The following SPATA21 variants were observed in gnomAD, a reference collection of about 807,000 sequenced individuals.
SPATA21 encodes spermatogenesis associated 21.
Under a neutral mutation model 54.8 loss-of-function variants are expected in SPATA21, and 47 were observed. The ratio of observed to expected loss-of-function variants is 0.86; its 90% CI spans 0.68 to 1.09. The LOEUF is 1.09. SPATA21 is among the 50% of genes least tolerant of loss of function. The pLI, the probability that SPATA21 is intolerant of heterozygous loss-of-function variation, is 0.00. For missense variants in SPATA21, 599 were observed against 596.4 expected, an observed-to-expected ratio of 1.00 and a Z score of -0.05; for synonymous variants, 245 against 235.3, an observed-to-expected ratio of 1.04 and a Z score of -0.38.
intron 7 of SPATA21, among the ~76,000 whole-genome samples, chr1:16,407,070 C>T (rs1425341642): frequency 6.6e-6 from 1 of 152,360 alleles, no homozygotes; most frequent in East Asian, 1.9e-4. Flanking sequence ...ACAGGGCACC[C>T]TCTTGGAAGT....
At chr1:16,433,860 C>T (rs2086520256) in intron 1 of SPATA21, among the ~76,000 whole-genome samples, 1 of 152,194 alleles carries the variant, frequency 6.6e-6, no homozygotes, top group Admixed American at 6.5e-5. Flanking sequence ...TGAAATTTAA[C>T]TCACATACCA....
rs1237830891 is a variant in SPATA21 at position 16,410,050 on chromosome 1, A to C, written c.145-7T>G. 6.5e-7 allele frequency: 1 copy of C among 1,540,622 alleles called. No homozygotes were observed. Among genetic ancestry groups the C allele is most frequent in the East Asian group, 2.3e-5 (1 of 44,204 alleles). Reference sequence around the variant, plus strand: ...CTCCAATGTCCCTCACCTCCTGGGGACAGGGGAGGGGATCCAGGAGGCCTC... The same window carrying C: ...CTCCAATGTCCCTCACCTCCTGGGGCCAGGGGAGGGGATCCAGGAGGCCTC... On this transcript the variant is annotated splice_region_variant and splice_polypyrimidine_tract_variant and intron_variant, in intron 5 of 12. Coordinates refer to ENST00000335496, the MANE Select transcript of SPATA21 (RefSeq NM_198546.1).
At chr1:16,415,050 T>C (rs918163456) in intron 5 of SPATA21, among the ~76,000 whole-genome samples, 16 of 152,132 alleles carry the variant, frequency 1.1e-4, no homozygotes, top group African/African-American at 3.9e-4. Flanking sequence ...TTAAAAGCAG[T>C]TCTGGGCCAG....
At position 16,409,790 on chromosome 1, in the gene SPATA21, G is replaced by A. The variant is rs775073151; in HGVS notation, c.398C>T (p.Ser133Leu). 10 of 1,601,478 alleles carry A rather than the reference G, an allele frequency of 6.2e-6. No individual in the cohort carries two copies. In the South Asian group the frequency reaches 6.7e-5, roughly 11 times the overall value. ...SAPSLPQTPA[S>L]VPASGPSWAR... The stretch of plus-strand genomic sequence containing the variant: ...CCACGATGGGCCGCTGGCAGGGACC[G>A]AGGCAGGGGTCTGAGGCAGGCTTGG... Residue 133 changes from serine (S) to leucine (L), a missense_variant, in exon 6 of 13, where the codon TCG (serine) becomes TTG (leucine). Coordinates refer to ENST00000335496, the MANE Select transcript of SPATA21 (RefSeq NM_198546.1). The surrounding 1 kb of genome is among the most constrained non-coding windows in gnomAD (Gnocchi z 4.1).
intron 2 of SPATA21, 96 bp from the exon 3 acceptor site, chr1:16,431,518 C>T (rs995654699): frequency 1.0e-5 from 13 of 1,238,808 alleles, no homozygotes; most frequent in African/African-American, 6.0e-5. Context: ...CAGCCTGGCT[C>T]GAGGGAAGAG....
intron 5 of SPATA21, among the ~76,000 whole-genome samples, chr1:16,417,349 C>T (rs2086038994): frequency 6.6e-6 from 1 of 152,148 alleles, no homozygotes; most frequent in Non-Finnish European, 1.5e-5. Context: ...GCCTCTGCCT[C>T]CTGGGTTCAA....
rs564070211 is a variant in SPATA21 at position 16,431,657 on chromosome 1, T to C, written c.-51-235A>G. 8.5e-5 allele frequency among the ~76,000 whole-genome samples: 13 copies of C among 152,276 alleles called. No individual in the cohort carries two copies. The South Asian group carries it at 2.1e-3, about 24-fold the overall frequency. The stretch of plus-strand genomic sequence containing the variant: ...AAAGGGGCTCTGGAAGGCACAAGAC[T>C]TGCCCAAGATCTAACACCTGCTAGG... On this transcript the variant is annotated intron_variant, in intron 2 of 12. Transcript: ENST00000335496.
chr1:16,429,192 G>A (rs1478957687), intron 3 of SPATA21, among the ~76,000 whole-genome samples: 2 of 150,636 alleles, frequency 1.3e-5, no homozygotes, highest in African/African-American at 2.5e-5. Context: ...TGTGGAGAAC[G>A]GGGTCTCGCT....
At chr1:16,419,467 A>G (rs958322167) in intron 5 of SPATA21, among the ~76,000 whole-genome samples, 2 of 152,206 alleles carry the variant, frequency 1.3e-5, no homozygotes, top group Non-Finnish European at 2.9e-5. Context: ...TGAAAGGATT[A>G]TAGAGGGAAA....
chr1:16,436,047 T>C (rs1362277758), intron 1 of SPATA21, among the ~76,000 whole-genome samples: 1 of 150,490 alleles, frequency 6.6e-6, no homozygotes, highest in Non-Finnish European at 1.5e-5. Context: ...GGTCAGGAGT[T>C]TGAGACCAGC....
Position 16,410,898 on chromosome 1 carries a change from T to A in SPATA21, c.145-855A>T, listed in dbSNP as rs116235836. ...TGGTCCCACCACTTGGCTTTGTTCA[T>A]GCCTGTTGTCTGCCCTCCTGACCAG... On this transcript the variant is annotated intron_variant, in intron 5 of 12. Transcript: ENST00000335496. 7.6e-4 allele frequency: 231 copies of A among 305,288 alleles called. 1 individual carries two copies. Among genetic ancestry groups the A allele is most frequent in the African/African-American group, 5.0e-3 (225 of 44,848 alleles). The allele number at this position is 305,288 out of a possible 1,614,324, so 18.9% of individuals were successfully genotyped here.
At chr1:16,408,908 GC>G (rs551971793) in intron 7 of SPATA21, among the ~76,000 whole-genome samples, 2 of 148,440 alleles carry the variant, frequency 1.3e-5, no homozygotes, top group African/African-American at 5.0e-5. Context: ...ATGAGTTCTG[GC>G]CCCCCCAACC....
chr1:16,426,487 G>A (rs1278887019), intron 3 of SPATA21, among the ~76,000 whole-genome samples: 1 of 149,202 alleles, frequency 6.7e-6, no homozygotes, highest in Non-Finnish European at 1.5e-5. Context: ...TTGAACTCCT[G>A]GGCTTAAGTG....
chr1:16,417,621 G>GT (rs771248906), intron 5 of SPATA21, among the ~76,000 whole-genome samples: 8 of 151,290 alleles, frequency 5.3e-5, no homozygotes, highest in Non-Finnish European at 1.2e-4. Flanking sequence ...GTAGAGACGG[G>GT]GTTTTTTTTC....
chr1:16,420,142 T>A (rs2086127428), intron 5 of SPATA21, among the ~76,000 whole-genome samples: 1 of 151,966 alleles, frequency 6.6e-6, no homozygotes. Context: ...AGGGCTGTCA[T>A]GGAGCCTGGA....
At chr1:16,400,569 GT>G in intron 11 of SPATA21, 150 bp downstream of exon 11, 1 of 1,463,136 alleles carries the variant, frequency 6.8e-7, no homozygotes, top group Non-Finnish European at 9.0e-7. Context: ...TTATCAGCCT[GT>G]TTTCTGATGT....
At chr1:16,436,952 T>C (rs1248582551) in intron 1 of SPATA21, among the ~76,000 whole-genome samples, 176 bp downstream of exon 1, 1 of 152,214 alleles carries the variant, frequency 6.6e-6, no homozygotes, top group Non-Finnish European at 1.5e-5. Flanking sequence ...CTTTGGGTAT[T>C]GAGTGCCCCT....
intron 8 of SPATA21, among the ~76,000 whole-genome samples, chr1:16,404,424 C>T (rs751819721): frequency 1.3e-5 from 2 of 151,996 alleles, no homozygotes; most frequent in Non-Finnish European, 2.9e-5. Flanking sequence ...GAGCCAAGAT[C>T]GTGCCACTGC....
At chr1:16,425,637 G>A in intron 3 of SPATA21, 1 of 1,550,226 alleles carries the variant, frequency 6.5e-7, no homozygotes, top group African/African-American at 1.4e-5. Context: ...GGTACTTCAG[G>A]AACCCAGGAA....
Sources: allele counts gnomAD v4.1 joint callset (sites outside exome capture counted in the v4.1 genomes callset), GRCh38; gene constraint gnomAD v4.1.1; non-coding constraint Gnocchi (gnomAD v3.1); transcripts MANE v1.5; gene names NCBI Gene and HGNC (gene_info 2026-07-23, HGNC 2026-07-21).